Variants in SAMHD1 observed in about 807,000 individuals in gnomAD.
SAMHD1 encodes the protein deoxynucleoside triphosphate triphosphohydrolase SAMHD1.
In SAMHD1, 54 loss-of-function variants were observed where a neutral mutation model predicts 79.6. That is an observed-to-expected ratio of 0.68 (90% CI 0.55 to 0.85). The LOEUF (loss-of-function observed/expected upper bound fraction) is 0.85. Ranked by LOEUF, SAMHD1 falls within the 40% of genes least tolerant of loss-of-function variation. The probability of loss-of-function intolerance (pLI) is 0.00; values close to 1 mark genes in which losing one functional copy is unlikely to be tolerated. For synonymous variants in SAMHD1, 260 were observed against 264.1 expected, an observed-to-expected ratio of 0.98 and a Z score of 0.15; for missense variants, 663 against 782.7, an observed-to-expected ratio of 0.85 and a Z score of 1.82.
intron 10 of SAMHD1, chr20:36,912,056 C>T (rs775350041): frequency 8.4e-6 from 2 of 237,906 alleles, no homozygotes; most frequent in Non-Finnish European, 1.7e-5. Flanking sequence ...TACAAATAGA[C>T]ATTAATCTTA....
chr20:36,939,648 A>G (rs994584401), intron 3 of SAMHD1, among the ~76,000 whole-genome samples: 2 of 152,176 alleles, frequency 1.3e-5, no homozygotes, highest in African/African-American at 4.8e-5. Context: ...AAATTAAAAT[A>G]TGTATTCTTA....
Position 36,912,781 on chromosome 20 carries a change from A to T in SAMHD1, c.1063-229T>A, listed in dbSNP as rs539607294. Among the ~76,000 whole-genome samples, 343 of 139,540 alleles carry T rather than the reference A, an allele frequency of 2.5e-3. 2 individuals are homozygous for T. The highest frequency in any genetic ancestry group is 8.9e-3 in the African/African-American group (326 of 36,644). The allele number at this position is 139,540 out of a possible 152,430, so 91.5% of individuals were successfully genotyped here. On this transcript the variant is annotated intron_variant, in intron 9 of 15. Transcript: ENST00000646673. ...TTTTTTTTTTTTTTTTTTTTTTAAA[A>T]GATGAGGTCTTGCTATGTTGCTCAG...
chr20:36,942,781 G>C (rs1173964266), intron 2 of SAMHD1, among the ~76,000 whole-genome samples: 1 of 151,900 alleles, frequency 6.6e-6, no homozygotes, highest in African/African-American at 2.4e-5. Context: ...CGAGTAGCTG[G>C]GACTACAGCC....
In SAMHD1 at chr20:36,893,714, A is replaced by ATGAT. The variant is rs1423647926; in HGVS notation, c.1747-652_1747-649dup. On this transcript the variant is annotated intron_variant, in intron 15 of 15. Transcript: ENST00000646673. ...TGGGTAGATCTTCTTTGGTTACAAG[A>ATGAT]TGATGCACGATCTTGGAGAGCCTCT... The ATGAT allele has an allele frequency of 1.0e-5, 4 of 394,044 alleles. No homozygotes were observed. In the Admixed American group the frequency reaches 1.3e-4, roughly 13 times the overall value. The allele number at this position is 394,044 out of a possible 1,614,324, so 24.4% of individuals were successfully genotyped here. A position where few individuals can be genotyped will look rare whatever the true frequency, so the allele number is the denominator to read the frequency against.
At chr20:36,948,438 AGACGGTGT>A (rs1282231831) in intron 1 of SAMHD1, among the ~76,000 whole-genome samples, 14 of 151,918 alleles carry the variant, frequency 9.2e-5, no homozygotes, top group Non-Finnish European at 1.8e-4. Flanking sequence ...TTTTTAGTAG[AGACGGTGT>A]TTCACCATGT....
intron 4 of SAMHD1, among the ~76,000 whole-genome samples, chr20:36,933,522 G>T (rs947583785): frequency 6.6e-6 from 1 of 152,068 alleles, no homozygotes; most frequent in African/African-American, 2.4e-5. Flanking sequence ...TTTTGAGACT[G>T]ATTCTCACTC....
intron 4 of SAMHD1, among the ~76,000 whole-genome samples, chr20:36,933,956 G>A (rs940328812): frequency 6.6e-6 from 1 of 151,542 alleles, no homozygotes; most frequent in South Asian, 2.1e-4. Flanking sequence ...TGAGGCAGGA[G>A]AATCACTTGA....
chr20:36,944,579 C>G (rs6030339), intron 2 of SAMHD1, among the ~76,000 whole-genome samples: 1 of 152,148 alleles, frequency 6.6e-6, no homozygotes, highest in Non-Finnish European at 1.5e-5. Context: ...AATTTTCTAA[C>G]AGAAACAAAA....
chr20:36,897,812 G>A lies in SAMHD1; in HGVS notation c.1746+10C>T, dbSNP rs2148355475. 1 of 1,614,122 alleles carries A rather than the reference G, an allele frequency of 6.2e-7. No homozygotes were observed. The highest frequency in any genetic ancestry group is 8.5e-7 in the Non-Finnish European group (1 of 1,180,002). ...AATTGTGCAAAGTTTGTGAGTAACA[G>A]GCCACCTACCTGCGGCTTGGTGAAA... On this transcript the variant is annotated intron_variant, in intron 15 of 15. Coordinates refer to ENST00000646673, the MANE Select transcript of SAMHD1 (RefSeq NM_015474.4).
intron 14 of SAMHD1, 147 bp from the exon 15 acceptor site, chr20:36,898,106 A>C: frequency 9.9e-7 from 1 of 1,014,878 alleles, no homozygotes; most frequent in Non-Finnish European, 1.5e-6. Flanking sequence ...ATCACAGCTC[A>C]CTGAAGCCTT....
At chr20:36,923,333 G>A in intron 6 of SAMHD1, among the ~76,000 whole-genome samples, 1 of 152,018 alleles carries the variant, frequency 6.6e-6, no homozygotes, top group Non-Finnish European at 1.5e-5. Context: ...AAATGAGGTG[G>A]ATCACTTGAC....
intron 6 of SAMHD1, among the ~76,000 whole-genome samples, chr20:36,920,484 G>A (rs6030152): frequency 2.0e-5 from 3 of 152,146 alleles, no homozygotes; most frequent in Non-Finnish European, 2.9e-5. Flanking sequence ...AGGGCTGTCA[G>A]GCCTGGGTGC....
chr20:36,921,885 C>T (rs1473656334), intron 6 of SAMHD1, among the ~76,000 whole-genome samples: 4 of 152,106 alleles, frequency 2.6e-5, no homozygotes, highest in Non-Finnish European at 2.9e-5. Flanking sequence ...GACAGGGTTT[C>T]GCCATATTGG....
At chr20:36,928,747 A>T (rs1052267264) in intron 5 of SAMHD1, among the ~76,000 whole-genome samples, 1 of 148,454 alleles carries the variant, frequency 6.7e-6, no homozygotes, top group Non-Finnish European at 1.5e-5. Context: ...TTCTCTTATA[A>T]CTCTCAAGCT....
At chr20:36,900,861 C>T (rs959723405) in intron 13 of SAMHD1, among the ~76,000 whole-genome samples, 1 of 152,000 alleles carries the variant, frequency 6.6e-6, no homozygotes, top group Non-Finnish European at 1.5e-5. Flanking sequence ...CATGAGCCAC[C>T]GTGCCCGGCC....
chr20:36,892,598 A>C lies in SAMHD1; in HGVS notation c.*334T>G, dbSNP rs1990103179. 1 of 332,304 alleles carries C rather than the reference A, an allele frequency of 3.0e-6. No homozygotes were observed. Among genetic ancestry groups the C allele is most frequent in the Non-Finnish European group, 5.7e-6 (1 of 174,854 alleles). The allele number at this position is 332,304 out of a possible 1,614,324, so 20.6% of individuals were successfully genotyped here. A position where few individuals can be genotyped will look rare whatever the true frequency, so the allele number is the denominator to read the frequency against. ...TTGAGCCCAGGAAAGTTCGAGTCCAAGCTGGGCAACAGAGCAAAACCTTGT... is the reference window on the plus strand; with the variant it reads ...TTGAGCCCAGGAAAGTTCGAGTCCACGCTGGGCAACAGAGCAAAACCTTGT... On this transcript the variant is annotated 3_prime_UTR_variant, in exon 16 of 16. Coordinates refer to ENST00000646673, the MANE Select transcript of SAMHD1 (RefSeq NM_015474.4).
At position 36,946,737 on chromosome 20, in the gene SAMHD1, C is replaced by CCTTA. The variant is rs2063688924; in HGVS notation, c.272_275dup (p.Ser93LysfsTer11). 1 of 1,609,308 alleles carries CCTTA rather than the reference C, an allele frequency of 6.2e-7. No individual in the cohort carries two copies. Among genetic ancestry groups the CCTTA allele is most frequent in the Non-Finnish European group, 8.5e-7 (1 of 1,176,286 alleles). ...ACGTGAATTTATTTCTTCATTCTTA[C>CCTTA]CTTACTCCAAGATTTTCAAAACGAG... On this transcript the variant is annotated frameshift_variant and splice_region_variant. Transcript: ENST00000646673. LOFTEE classifies it high-confidence loss of function.
chr20:36,900,039 A>T (rs1990272746), intron 13 of SAMHD1, among the ~76,000 whole-genome samples: 2 of 150,218 alleles, frequency 1.3e-5, no homozygotes, highest in South Asian at 2.2e-4. Context: ...GGTTGCAGTG[A>T]GCCGAGATCG....
intron 11 of SAMHD1, among the ~76,000 whole-genome samples, chr20:36,910,542 C>G (rs2063432360): frequency 6.6e-6 from 1 of 151,818 alleles, no homozygotes; most frequent in South Asian, 2.1e-4. Context: ...AGACCCTGGC[C>G]AATATGGTAA....
Sources: allele counts gnomAD v4.1 joint callset (sites outside exome capture counted in the v4.1 genomes callset), GRCh38; gene constraint gnomAD v4.1.1; transcripts MANE v1.5; gene names NCBI Gene and HGNC (gene_info 2026-07-23, HGNC 2026-07-21).